The following TBCK variants were observed in gnomAD, a reference collection of about 807,000 sequenced individuals.
TBCK encodes TBC domain-containing protein kinase-like protein.
In TBCK, 99 loss-of-function variants were observed where a neutral mutation model predicts 113.4. That is an observed-to-expected ratio of 0.87 (90% CI 0.74 to 1.03). TBCK has a LOEUF of 1.03. TBCK is among the 50% of genes least tolerant of loss of function. TBCK has a pLI of 0.00. For missense variants in TBCK, 1,045 were observed against 1,061.3 expected (o/e 0.98, Z 0.21); for synonymous variants, 369 against 370.8 (o/e 1.00, Z 0.05).
chr4:106,235,769 T>C (rs556411612), intron 14 of TBCK, among the ~76,000 whole-genome samples: 2 of 152,188 alleles, frequency 1.3e-5, no homozygotes, highest in East Asian at 1.9e-4. Context: ...GCTACTATTA[T>C]GAGTACTTCC....
chr4:106,092,353 TG>T (rs1560632037), intron 25 of TBCK, among the ~76,000 whole-genome samples: 2 of 152,240 alleles, frequency 1.3e-5, no homozygotes, highest in Non-Finnish European at 2.9e-5. Context: ...GATCCCACAC[TG>T]GGGCCGCAGG....
intron 24 of TBCK, among the ~76,000 whole-genome samples, chr4:106,101,392 T>C (rs1741531151): frequency 6.6e-6 from 1 of 152,180 alleles, no homozygotes; most frequent in African/African-American, 2.4e-5. Flanking sequence ...TTTAGATAGA[T>C]TGAACCTAAG....
chr4:106,208,349 C>G lies in TBCK; in HGVS notation c.1860+4401G>C, dbSNP rs185367472. On this transcript the variant is annotated intron_variant, in intron 20 of 25. Transcript: ENST00000394708. ...TGATCCCTACCATTCACCTATTTTA[C>G]ATATACCTACCCTTCCCTAATTAGT... Among the ~76,000 whole-genome samples, 449 of 151,852 alleles carry G rather than the reference C, an allele frequency of 3.0e-3. 2 individuals are homozygous for G. The highest frequency in any genetic ancestry group is 5.8e-3 in the Admixed American group (88 of 15,268).
intron 3 of TBCK, among the ~76,000 whole-genome samples, chr4:106,272,239 C>A (rs1381318288): frequency 6.6e-6 from 1 of 152,072 alleles, no homozygotes; most frequent in South Asian, 2.1e-4. Context: ...ACCGCCAGTA[C>A]AGCTATGTGG....
intron 25 of TBCK, among the ~76,000 whole-genome samples, chr4:106,047,236 T>C (rs1047552763): frequency 3.3e-5 from 5 of 152,194 alleles, no homozygotes; most frequent in Non-Finnish European, 4.4e-5. Flanking sequence ...GGAAGACTTC[T>C]AGATGTCTAG....
intron 25 of TBCK, among the ~76,000 whole-genome samples, chr4:106,082,098 A>G (rs1560617976): frequency 6.6e-6 from 1 of 152,198 alleles, no homozygotes; most frequent in African/African-American, 2.4e-5. Context: ...CTACTATATG[A>G]TATATACCCA....
chr4:106,158,114 AC>A (rs1661091106), intron 23 of TBCK, among the ~76,000 whole-genome samples: 1 of 152,202 alleles, frequency 6.6e-6, no homozygotes. Context: ...GGACTTTTAG[AC>A]CATGTTAGAA....
At chr4:106,245,482 TAGTC>T (rs1760694481) in intron 10 of TBCK, among the ~76,000 whole-genome samples, 1 of 152,116 alleles carries the variant, frequency 6.6e-6, no homozygotes, top group Non-Finnish European at 1.5e-5. Context: ...AAGCATTCTG[TAGTC>T]AGTCCTACAA....
intron 19 of TBCK, among the ~76,000 whole-genome samples, chr4:106,222,792 A>C (rs1157153936): frequency 6.6e-6 from 1 of 152,128 alleles, no homozygotes. Flanking sequence ...TTCCCATTAC[A>C]AAGTTTTCTG....
At position 106,043,170 on chromosome 4, in the gene TBCK, T is replaced by A. The variant is rs925150773; in HGVS notation, c.*3400A>T. The stretch of plus-strand genomic sequence containing the variant: ...TCTTTCTTTCAAACTTGGTTAAGCA[T>A]TAGTTATTTTTAATATGCTTTTTGA... On this transcript the variant is annotated 3_prime_UTR_variant, in exon 26 of 26. Coordinates refer to ENST00000394708, the MANE Select transcript of TBCK (RefSeq NM_001163435.3). 2 of 152,196 alleles carry A rather than the reference T, an allele frequency of 1.3e-5. No homozygotes were observed. The highest frequency in any genetic ancestry group is 2.9e-5 in the Non-Finnish European group (2 of 68,036). 9.4% of individuals were successfully genotyped at this position (152,196 alleles called of 1,614,324 possible).
intron 24 of TBCK, among the ~76,000 whole-genome samples, chr4:106,107,498 C>A (rs924338816): frequency 1.3e-5 from 2 of 152,256 alleles, no homozygotes; most frequent in Non-Finnish European, 2.9e-5. Flanking sequence ...CAAAATCATA[C>A]AATTACATAG....
intron 25 of TBCK, among the ~76,000 whole-genome samples, chr4:106,049,737 T>G (rs1239036962): frequency 6.6e-6 from 1 of 151,928 alleles, no homozygotes; most frequent in Non-Finnish European, 1.5e-5. Context: ...ACATCCTTGG[T>G]GGGGGTGGCA....
intron 25 of TBCK, among the ~76,000 whole-genome samples, chr4:106,085,678 T>C (rs1284028600): frequency 1.3e-5 from 2 of 152,230 alleles, no homozygotes; most frequent in African/African-American, 2.4e-5. Context: ...ATGGCACTTA[T>C]TCTAAAATTC....
intron 23 of TBCK, among the ~76,000 whole-genome samples, chr4:106,170,037 C>T (rs1162532831): frequency 1.3e-5 from 2 of 152,040 alleles, no homozygotes; most frequent in African/African-American, 4.8e-5. Flanking sequence ...CATTCACCTC[C>T]TGCTGTATGG....
intron 23 of TBCK, among the ~76,000 whole-genome samples, chr4:106,132,942 T>C (rs539282739): frequency 1.5e-4 from 23 of 152,212 alleles, no homozygotes; most frequent in Non-Finnish European, 3.1e-4. Context: ...ATTTGGGAAA[T>C]GACTAACTTG....
intron 25 of TBCK, among the ~76,000 whole-genome samples, chr4:106,078,055 C>A (rs1397051908): frequency 6.6e-6 from 1 of 151,998 alleles, no homozygotes; most frequent in Non-Finnish European, 1.5e-5. Context: ...GGGTAAATAA[C>A]AAAATTAAGG....
chr4:106,106,099 A>G (rs1742120714), intron 24 of TBCK, among the ~76,000 whole-genome samples: 1 of 152,256 alleles, frequency 6.6e-6, no homozygotes. Context: ...AAAAAAAAAA[A>G]GAATAAAAAG....
chr4:106,175,427 G>A (rs1751547506), intron 22 of TBCK, among the ~76,000 whole-genome samples: 1 of 151,004 alleles, frequency 6.6e-6, no homozygotes, highest in Non-Finnish European at 1.5e-5. Context: ...GTAATTTGGG[G>A]ACATGGTTAT....
At chr4:106,300,862 A>C (rs1001422949) in intron 2 of TBCK, among the ~76,000 whole-genome samples, 4 of 152,222 alleles carry the variant, frequency 2.6e-5, no homozygotes, top group African/African-American at 9.6e-5. Flanking sequence ...GCTACATGAG[A>C]GGCTGAGACG....
Sources: gnomAD v4.1 joint callset for allele counts (sites outside exome capture counted in the v4.1 genomes callset) on GRCh38, gnomAD v4.1.1 for gene constraint, MANE v1.5 for transcripts, NCBI Gene and HGNC (gene_info 2026-07-23, HGNC 2026-07-21) for gene names.